LTBP2: variants seen among roughly 807,000 people sequenced by gnomAD.
LTBP2 encodes latent transforming growth factor beta binding protein 2.
In LTBP2, 103 loss-of-function variants were observed where a neutral mutation model predicts 210.6. That is an observed-to-expected ratio of 0.49 (90% CI 0.42 to 0.58). LTBP2 has a LOEUF of 0.58. LTBP2 is among the 20% of genes least tolerant of loss of function. The pLI is 0.00. For synonymous variants in LTBP2, 1,007 were observed against 1,015.0 expected (o/e 0.99, Z 0.15); for missense variants, 2,313 against 2,494.5 (o/e 0.93, Z 1.55).
chr14:74,533,313 G>A (rs900742030), intron 9 of LTBP2, among the ~76,000 whole-genome samples: 4 of 152,244 alleles, frequency 2.6e-5, no homozygotes, highest in Non-Finnish European at 5.9e-5. Flanking sequence ...GTCACCCACT[G>A]GTTTGGGGAA....
chr14:74,612,048 A>G lies in LTBP2; in HGVS notation c.-104T>C. On this transcript the variant is annotated 5_prime_UTR_variant, in exon 1 of 36. Transcript: ENST00000261978. ...GTTCTCCCGGCCCCGCCCGGCGGCC[A>G]GCTTCTCTGAGTCTAGGGGGCCCTG... 1 of 1,280,506 alleles carries G rather than the reference A, an allele frequency of 7.8e-7. No individual in the cohort carries two copies. The highest frequency in any genetic ancestry group is 1.0e-6 in the Non-Finnish European group (1 of 978,476). The allele number at this position is 1,280,506 out of a possible 1,614,324, so 79.3% of individuals were successfully genotyped here.
rs768169943 is a variant in LTBP2 at position 74,551,162 on chromosome 14, G to C, written c.1588C>G (p.Pro530Ala). The C allele has an allele frequency of 2.5e-6, 4 of 1,613,944 alleles. No homozygotes were observed. In the Admixed American group the frequency reaches 6.7e-5, roughly 27 times the overall value. The part of the protein sequence containing the change: ...GHSLWDSNNI[P>A]ARSGEPPRPL... Reference sequence around the variant, plus strand: ...CGAGGGGGCTCTCCAGACCGAGCAGGGATGTTGTTGCTGTCCCAGAGGCTG... The same window carrying C: ...CGAGGGGGCTCTCCAGACCGAGCAGCGATGTTGTTGCTGTCCCAGAGGCTG... Residue 530 changes from proline to alanine, a missense_variant, in exon 7 of 36, where the codon CCT becomes GCT. Around this residue, in one of 3 missense-constraint regions of LTBP2, gnomAD observed 1,867 missense variants for 1,976.9 expected, o/e 0.94. Coordinates refer to ENST00000261978, the MANE Select transcript of LTBP2 (RefSeq NM_000428.3).
At chr14:74,529,508 G>T (rs1157669120) in intron 10 of LTBP2, among the ~76,000 whole-genome samples, 2 of 152,230 alleles carry the variant, frequency 1.3e-5, no homozygotes, top group South Asian at 4.1e-4. Flanking sequence ...TCCCTGGGAA[G>T]ATGAGGCAAG....
intron 8 of LTBP2, 41 bp downstream of exon 8, chr14:74,549,822 A>G (rs1411809851): frequency 6.5e-7 from 1 of 1,529,150 alleles, no homozygotes; most frequent in Non-Finnish European, 9.1e-7. Context: ...GCCCAGGGAG[A>G]GCTTCCTCCA....
intron 1 of LTBP2, among the ~76,000 whole-genome samples, chr14:74,606,122 C>G (rs1443032890): frequency 6.6e-6 from 1 of 152,180 alleles, no homozygotes; most frequent in Non-Finnish European, 1.5e-5. Flanking sequence ...CATCTGAGTC[C>G]AGTCTTCCAG....
At chr14:74,601,244 T>C (rs975221622) in intron 2 of LTBP2, among the ~76,000 whole-genome samples, 1 of 152,160 alleles carries the variant, frequency 6.6e-6, no homozygotes, top group Non-Finnish European at 1.5e-5. Flanking sequence ...AGGCTCACTT[T>C]CTTCTTTAAA....
chr14:74,553,185 C>T, intron 4 of LTBP2, 123 bp from the exon 5 acceptor site: 2 of 938,934 alleles, frequency 2.1e-6, no homozygotes, highest in Non-Finnish European at 3.3e-6. Flanking sequence ...TTGCTGAGTA[C>T]CTACTGGACG....
intron 2 of LTBP2, among the ~76,000 whole-genome samples, chr14:74,593,047 A>G (rs1175737234): frequency 6.6e-6 from 1 of 152,194 alleles, no homozygotes; most frequent in Non-Finnish European, 1.5e-5. Context: ...ACGCCAAAAG[A>G]GGAAGAAAAC....
chr14:74,505,962 G>T, intron 28 of LTBP2, 86 bp downstream of exon 28: 1 of 1,556,666 alleles, frequency 6.4e-7, no homozygotes, highest in South Asian at 1.1e-5. Context: ...CCCCCTCAGC[G>T]GCTAGAGGCT....
intron 2 of LTBP2, among the ~76,000 whole-genome samples, chr14:74,599,229 C>G (rs557249211): frequency 6.6e-6 from 1 of 152,240 alleles, no homozygotes; most frequent in Admixed American, 6.5e-5. Flanking sequence ...GTGCCAGAAT[C>G]CAAAGTACAT....
In LTBP2 at chr14:74,586,469, C is replaced by G. The variant is rs1477608102; in HGVS notation, c.566-351G>C. On this transcript the variant is annotated intron_variant, in intron 2 of 35. Transcript: ENST00000261978. The surrounding 1 kb of genome is among the most constrained non-coding windows in gnomAD (Gnocchi z 4.6). Reference sequence around the variant, plus strand: ...CACCAGACTGGAAGCCCCCTGAGGACAGACAGCGGCCCCGGAACTTTGACT... The same window carrying G: ...CACCAGACTGGAAGCCCCCTGAGGAGAGACAGCGGCCCCGGAACTTTGACT... Among the ~76,000 whole-genome samples, 1 of 152,326 alleles carries G rather than the reference C, an allele frequency of 6.6e-6. No homozygotes were observed. Among genetic ancestry groups the G allele is most frequent in the East Asian group, 1.9e-4 (1 of 5,182 alleles).
intron 1 of LTBP2, among the ~76,000 whole-genome samples, chr14:74,605,711 A>C (rs2088516191): frequency 6.6e-6 from 1 of 152,170 alleles, no homozygotes; most frequent in African/African-American, 2.4e-5. Flanking sequence ...AGCCCAGCCC[A>C]AGGAGGCCCC....
At chr14:74,509,904 C>T (rs767716236) in intron 20 of LTBP2, 45 bp from the exon 21 acceptor site, 2 of 1,613,824 alleles carry the variant, frequency 1.2e-6, no homozygotes, top group Admixed American at 1.7e-5. Flanking sequence ...GCAGGACAGA[C>T]AGGCCAGGAC....
chr14:74,599,931 C>A (rs573705301), intron 2 of LTBP2, among the ~76,000 whole-genome samples: 41 of 152,372 alleles, frequency 2.7e-4, no homozygotes, highest in African/African-American at 9.4e-4. Flanking sequence ...GCCCCCATCT[C>A]TCACTGGCCC....
intron 2 of LTBP2, among the ~76,000 whole-genome samples, chr14:74,602,282 C>T (rs1261664691): frequency 6.6e-6 from 1 of 152,212 alleles, no homozygotes; most frequent in African/African-American, 2.4e-5. Flanking sequence ...AAGCATACAC[C>T]TACTTCATAA....
chr14:74,556,755 T>G (rs2087734274), intron 3 of LTBP2, among the ~76,000 whole-genome samples: 1 of 152,180 alleles, frequency 6.6e-6, no homozygotes, highest in Non-Finnish European at 1.5e-5. Context: ...TGGCCTCAGG[T>G]GATCCGCCCA....
chr14:74,529,519 G>T (rs117826491), intron 10 of LTBP2, among the ~76,000 whole-genome samples: 5,584 of 152,300 alleles, frequency 0.037, 152 homozygotes, highest in Middle Eastern at 0.13. Context: ...ATGAGGCAAG[G>T]TAAGGAGCTA....
rs1464042277 is a variant in LTBP2, at chr14:74,504,058, T to C, written c.4454-4A>G. 4 of 1,613,658 alleles carry C rather than the reference T, an allele frequency of 2.5e-6. No homozygotes were observed. Among genetic ancestry groups the C allele is most frequent in the South Asian group, 1.1e-5 (1 of 91,020 alleles). On this transcript the variant is annotated splice_region_variant and splice_polypyrimidine_tract_variant and intron_variant, in intron 30 of 35. Coordinates refer to ENST00000261978, the MANE Select transcript of LTBP2 (RefSeq NM_000428.3). ...AATATCACACACTCATCCGCATCTG[T>C]GGAAGGCAGAGCTGAGGTGAGAGGA...
Position 74,538,554 on chromosome 14 carries a change from G to T in LTBP2, c.1790-2554C>A, listed in dbSNP as rs923685841. ...ATAACTAAAAAATCCAGTAAACACA[G>T]CACTGTGAACTGCACTGTGTTGCAA... On this transcript the variant is annotated intron_variant, in intron 8 of 35. Coordinates refer to ENST00000261978, the MANE Select transcript of LTBP2 (RefSeq NM_000428.3). Among the ~76,000 whole-genome samples, 4 of 152,156 alleles carry T rather than the reference G, an allele frequency of 2.6e-5. No homozygotes were observed. In the South Asian group the frequency reaches 8.3e-4, roughly 32 times the overall value.
Sources: allele counts gnomAD v4.1 joint callset (sites outside exome capture counted in the v4.1 genomes callset), GRCh38; gene constraint gnomAD v4.1.1; regional missense constraint gnomAD v4.1.1; non-coding constraint Gnocchi (gnomAD v3.1); transcripts MANE v1.5; gene names NCBI Gene and HGNC (gene_info 2026-07-23, HGNC 2026-07-21).